The following SCRN1 variants were observed in gnomAD, a reference collection of about 807,000 sequenced individuals.
SCRN1 encodes the protein secernin 1, also known as secernin-1.
In SCRN1, 19 loss-of-function variants were observed where a neutral mutation model predicts 43.3. The ratio of observed to expected loss-of-function variants is 0.44; its 90% CI spans 0.31 to 0.64. SCRN1 has a LOEUF of 0.64. Among genes scored for constraint, SCRN1 ranks in the 30% least tolerant of loss-of-function variants. SCRN1 has a pLI of 0.09. For missense variants in SCRN1, 447 were observed against 524.1 expected, an observed-to-expected ratio of 0.85 and a Z score of 1.44; for synonymous variants, 183 against 188.9, an observed-to-expected ratio of 0.97 and a Z score of 0.26.
intron 4 of SCRN1, among the ~76,000 whole-genome samples, chr7:29,942,085 G>C (rs1289667377): frequency 6.6e-6 from 1 of 152,190 alleles, no homozygotes; most frequent in Non-Finnish European, 1.5e-5. Context: ...TCTTTTCAGA[G>C]AGGACCATAA....
intron 3 of SCRN1, 99 bp from the exon 4 acceptor site, chr7:29,944,278 C>T: frequency 1.0e-6 from 1 of 987,866 alleles, no homozygotes; most frequent in Admixed American, 1.9e-5. Flanking sequence ...ATGAAGCATG[C>T]CAACATGTGT....
intron 2 of SCRN1, among the ~76,000 whole-genome samples, chr7:29,959,563 C>A (rs1027228261): frequency 2.6e-5 from 4 of 152,216 alleles, no homozygotes; most frequent in African/African-American, 7.2e-5. Context: ...TGCCACCATG[C>A]CCTCCATGTT....
intron 6 of SCRN1, among the ~76,000 whole-genome samples, chr7:29,933,954 G>A (rs1392299271): frequency 1.3e-5 from 2 of 152,174 alleles, no homozygotes; most frequent in African/African-American, 4.8e-5. Context: ...ATTAACAGAA[G>A]CCAAAATCTC....
At chr7:29,946,104 A>G (rs933550939) in intron 3 of SCRN1, among the ~76,000 whole-genome samples, 1 of 152,228 alleles carries the variant, frequency 6.6e-6, no homozygotes, top group Non-Finnish European at 1.5e-5. Context: ...TTCATTTGAC[A>G]TTTCTCATTT....
intron 3 of SCRN1, 143 bp from the exon 4 acceptor site, chr7:29,944,322 T>G: frequency 7.3e-6 from 5 of 688,610 alleles, no homozygotes; most frequent in South Asian, 7.1e-5. Context: ...ATAAGCAAAC[T>G]GATTAACTGC....
intron 6 of SCRN1, among the ~76,000 whole-genome samples, chr7:29,929,594 G>A (rs182265499): frequency 7.9e-5 from 12 of 152,352 alleles, no homozygotes; most frequent in African/African-American, 2.2e-4. Context: ...ACCGCTGGGC[G>A]GAGCTACCTC....
intron 2 of SCRN1, among the ~76,000 whole-genome samples, 195 bp downstream of exon 2, chr7:29,968,714 T>C (rs1046231566): frequency 3.9e-5 from 6 of 151,908 alleles, no homozygotes; most frequent in African/African-American, 9.7e-5. Flanking sequence ...ACAATGGCCA[T>C]AGCAGTGAGC....
chr7:29,950,567 A>G lies in SCRN1; in HGVS notation c.341+4612T>C, dbSNP rs1787888046. 1.3e-5 allele frequency among the ~76,000 whole-genome samples: 2 copies of G among 152,238 alleles called. No individual in the cohort carries two copies. Among genetic ancestry groups the G allele is most frequent in the South Asian group, 4.1e-4 (2 of 4,830 alleles). On this transcript the variant is annotated intron_variant, in intron 3 of 7. Coordinates refer to ENST00000242059, the MANE Select transcript of SCRN1 (RefSeq NM_014766.5). The surrounding 1 kb of genome is among the most constrained non-coding windows in gnomAD (Gnocchi z 4.5). The stretch of plus-strand genomic sequence containing the variant: ...TAGTTCCGGGTGGAGTACGCAGCCC[A>G]GAGTGAGAACTTATGGTGCTTTTTC...
At chr7:29,981,855 G>A (rs1278174935) in intron 1 of SCRN1, among the ~76,000 whole-genome samples, 2 of 152,166 alleles carry the variant, frequency 1.3e-5, no homozygotes, top group Non-Finnish European at 2.9e-5. Context: ...ACCTATGAGA[G>A]CCTGATAACC....
rs1787875299 is a variant in SCRN1, at chr7:29,950,223, G to C, written c.341+4956C>G. On this transcript the variant is annotated intron_variant, in intron 3 of 7. Coordinates refer to ENST00000242059, the MANE Select transcript of SCRN1 (RefSeq NM_014766.5). This position sits in a 1 kb window ranked among gnomAD's most constrained non-coding sequence, Gnocchi z 4.5. Reference sequence around the variant, plus strand: ...GCTTCCCAGCACCTGCTCCAGTGCAGAGCAAAGTTGTGGCTGAGCCCAGGT... The same window carrying C: ...GCTTCCCAGCACCTGCTCCAGTGCACAGCAAAGTTGTGGCTGAGCCCAGGT... Among the ~76,000 whole-genome samples, 1 of 152,240 alleles carries C rather than the reference G, an allele frequency of 6.6e-6. No homozygotes were observed. The highest frequency in any genetic ancestry group is 1.5e-5 in the Non-Finnish European group (1 of 68,044).
intron 1 of SCRN1, among the ~76,000 whole-genome samples, chr7:29,982,103 T>G (rs768415075): frequency 4.6e-5 from 7 of 152,212 alleles, no homozygotes; most frequent in Admixed American, 6.5e-5. Context: ...TTGGTTTGTT[T>G]CCCAAGTCAA....
chr7:29,936,631 C>G lies in SCRN1; in HGVS notation c.830G>C (p.Ser277Thr). The part of the protein sequence containing the change: ...IDSEFFLTTA[S>T]GVSVLPQNRS... ...ATTCTGCGGCAGGACAGACACTCCA[C>G]TGGCTGTGGTGAGGAAAAACTCAGA... Residue 277 changes from serine (S) to threonine (T), a missense_variant, in exon 6 of 8, where the codon AGT (serine) becomes ACT (threonine). Physicochemically the swap from Ser to Thr is moderately conservative, Grantham distance 58. Transcript: ENST00000242059. 6.2e-7 allele frequency: 1 copy of G among 1,608,158 alleles called. No homozygotes were observed. The highest frequency in any genetic ancestry group is 1.1e-5 in the South Asian group (1 of 90,472).
At chr7:29,927,578 G>A (rs1218577464) in intron 6 of SCRN1, among the ~76,000 whole-genome samples, 4 of 152,214 alleles carry the variant, frequency 2.6e-5, no homozygotes, top group South Asian at 2.1e-4. Flanking sequence ...CCTGTTTTCA[G>A]CTGTACCATG....
intron 3 of SCRN1, among the ~76,000 whole-genome samples, chr7:29,953,055 T>C (rs1030420424): frequency 6.6e-6 from 1 of 152,236 alleles, no homozygotes; most frequent in African/African-American, 2.4e-5. Flanking sequence ...CCCTCAGCCT[T>C]GCAGCTTCAG....
chr7:29,968,276 T>C (rs983443037), intron 2 of SCRN1, among the ~76,000 whole-genome samples: 2 of 152,138 alleles, frequency 1.3e-5, no homozygotes, highest in Non-Finnish European at 2.9e-5. Flanking sequence ...ATCCATAGAA[T>C]GAAACACCAT....
chr7:29,969,174 C>A, intron 1 of SCRN1, 106 bp from the exon 2 acceptor site: 2 of 1,319,668 alleles, frequency 1.5e-6, no homozygotes, highest in East Asian at 2.5e-5. Context: ...TACTATTGAA[C>A]TGTGCACAGC....
chr7:29,940,179 C>CAAAT (rs527830892), intron 5 of SCRN1, among the ~76,000 whole-genome samples: 3,275 of 151,316 alleles, frequency 0.022, 42 homozygotes, highest in South Asian at 0.057. Context: ...AACAAACAAA[C>CAAAT]AAATAAATAA....
intron 5 of SCRN1, among the ~76,000 whole-genome samples, chr7:29,938,507 T>C (rs552207400): frequency 1.3e-5 from 2 of 152,384 alleles, no homozygotes; most frequent in South Asian, 4.1e-4. Context: ...ATGTTCATGA[T>C]GGCCATGATG....
At chr7:29,958,410 A>G (rs1583677861) in intron 2 of SCRN1, among the ~76,000 whole-genome samples, 1 of 152,136 alleles carries the variant, frequency 6.6e-6, no homozygotes, top group African/African-American at 2.4e-5. Context: ...TAGAACATGA[A>G]CTCCACAGCC....
Sources: gnomAD v4.1 joint callset for allele counts (sites outside exome capture counted in the v4.1 genomes callset) on GRCh38, gnomAD v4.1.1 for gene constraint, Gnocchi (gnomAD v3.1) non-coding constraint, MANE v1.5 for transcripts, NCBI Gene and HGNC (gene_info 2026-07-23, HGNC 2026-07-21) for gene names.